The following CCDC39 variants were observed in gnomAD, a reference collection of about 807,000 sequenced individuals.
CCDC39 encodes the protein coiled-coil domain-containing protein 39.
A neutral mutation model predicts 121.0 loss-of-function variants in CCDC39; 113 were observed. The observed-to-expected ratio is 0.93, with a 90% CI of 0.80 to 1.09. CCDC39 has a LOEUF of 1.09. Ranked by LOEUF, CCDC39 falls within the 50% of genes least tolerant of loss-of-function variation. The pLI is 0.00. For synonymous variants in CCDC39, 349 were observed against 352.2 expected, an observed-to-expected ratio of 0.99 and a Z score of 0.10; for missense variants, 1,063 against 1,074.7, an observed-to-expected ratio of 0.99 and a Z score of 0.15.
chr3:180,618,997 G>T (rs114342703), intron 16 of CCDC39, among the ~76,000 whole-genome samples: 1 of 151,708 alleles, frequency 6.6e-6, no homozygotes, highest in Non-Finnish European at 1.5e-5. Flanking sequence ...AGGATTAATG[G>T]GTAGATCATA....
intron 13 of CCDC39, among the ~76,000 whole-genome samples, chr3:180,637,556 A>G (rs1197735970): frequency 1.3e-5 from 2 of 152,312 alleles, no homozygotes; most frequent in East Asian, 1.9e-4. Context: ...AGTATCATTC[A>G]ACCCAGAAAT....
intron 6 of CCDC39, among the ~76,000 whole-genome samples, chr3:180,655,263 A>G (rs190293454): frequency 9.2e-5 from 14 of 152,154 alleles, no homozygotes; most frequent in African/African-American, 3.4e-4. Context: ...AGTGTTGAAT[A>G]TTTTTCACAT....
At chr3:180,624,084 T>C (rs1283302227) in intron 14 of CCDC39, among the ~76,000 whole-genome samples, 1 of 152,170 alleles carries the variant, frequency 6.6e-6, no homozygotes, top group East Asian at 1.9e-4. Flanking sequence ...TAATGCTTGT[T>C]TTATGAATCT....
intron 11 of CCDC39, 116 bp downstream of exon 11, chr3:180,646,963 G>A (rs1364778719): frequency 1.2e-6 from 1 of 826,510 alleles, no homozygotes; most frequent in Non-Finnish European, 1.9e-6. Flanking sequence ...TCATACATTT[G>A]TTATATATGT....
intron 9 of CCDC39, among the ~76,000 whole-genome samples, chr3:180,648,902 A>C (rs530229971): frequency 6.6e-6 from 1 of 152,320 alleles, no homozygotes; most frequent in Admixed American, 6.5e-5. Context: ...ATTCCACTAA[A>C]GGCAGAGTTG....
At chr3:180,635,875 C>G (rs1294218209) in intron 13 of CCDC39, among the ~76,000 whole-genome samples, 1 of 152,178 alleles carries the variant, frequency 6.6e-6, no homozygotes, top group Non-Finnish European at 1.5e-5. Flanking sequence ...CTTAATAGAT[C>G]TATAAAAGGC....
At position 180,616,459 on chromosome 3, in the gene CCDC39, A is replaced by G. The variant is rs1350219365; in HGVS notation, c.2586+57T>C. On this transcript the variant is annotated intron_variant, in intron 18 of 19. Coordinates refer to ENST00000476379, the MANE Select transcript of CCDC39 (RefSeq NM_181426.2). The stretch of plus-strand genomic sequence containing the variant: ...CTTTCACTTCATGATGAATGTCATG[A>G]AAGTTTTTATTTTCATGAAGTTTTT... 6 of 1,500,942 alleles carry G rather than the reference A, an allele frequency of 4.0e-6. No homozygotes were observed. The East Asian group carries it at 6.9e-5, about 17-fold the overall frequency. The allele number at this position is 1,500,942 out of a possible 1,614,324, so 93.0% of individuals were successfully genotyped here.
intron 1 of CCDC39, among the ~76,000 whole-genome samples, chr3:180,669,352 T>A (rs1179799055): frequency 6.6e-6 from 1 of 152,188 alleles, no homozygotes; most frequent in Admixed American, 6.5e-5. Flanking sequence ...AATTGAGTTG[T>A]CAAGTGTTTT....
rs140505857 is a variant in CCDC39 at position 180,642,086 on chromosome 3, G to A, written c.1781C>T (p.Thr594Ile). The A allele has an allele frequency of 4.9e-4, 796 of 1,612,708 alleles. 1 individual carries two copies. Among genetic ancestry groups the A allele is most frequent in the Admixed American group, 2.9e-3 (176 of 59,996 alleles). The change falls in exon 13 of 20, where the codon ACA (threonine) becomes ATA (isoleucine). Residue 594 changes from threonine to isoleucine, a missense_variant. Physicochemically the swap from Thr to Ile is moderately conservative, Grantham distance 89 (BLOSUM62 -1). Transcript: ENST00000476379. ...SLEKRKQQLYTAMEERTEEIK... is the reference protein window; with the variant it reads ...SLEKRKQQLYIAMEERTEEIK... ...TTCTTCAGTTCGCTCTTCCATTGCT[G>A]TGTATAATTGCTGTTTTCTTTTTTC...
At position 180,679,464 on chromosome 3, in the gene CCDC39, AC is replaced by A; in HGVS notation, c.-85del. The A allele has an allele frequency of 7.8e-7, 1 of 1,281,312 alleles. No individual in the cohort carries two copies. The highest frequency in any genetic ancestry group is 1.1e-6 in the Non-Finnish European group (1 of 877,470). The allele number at this position is 1,281,312 out of a possible 1,614,324, so 79.4% of individuals were successfully genotyped here. ...AGCAGCACCCGCGTCAAGCCCAGGC[AC>A]CTGCACAGTGCCGCGGCAATTGCCG... On this transcript the variant is annotated 5_prime_UTR_variant, in exon 1 of 20. Coordinates refer to ENST00000476379, the MANE Select transcript of CCDC39 (RefSeq NM_181426.2). This position sits in a 1 kb window ranked among gnomAD's most constrained non-coding sequence, Gnocchi z 4.0.
intron 1 of CCDC39, among the ~76,000 whole-genome samples, chr3:180,674,289 T>C (rs1712131009): frequency 6.6e-6 from 1 of 152,164 alleles, no homozygotes; most frequent in South Asian, 2.1e-4. Context: ...TGTCTGTTAT[T>C]GGTGTATAAG....
Position 180,651,530 on chromosome 3 carries a change from T to C in CCDC39, c.1038A>G (p.Leu346=). The part of the protein sequence containing the change: ...KKDIHEETAR[L]QKTKNHNEII... ...TCTCATTATGATTTTTAGTTTTTTG[T>C]AACCTGAAGAGGGTTTATCACAAAA... The change falls in exon 9 of 20, where the codon TTA becomes TTG. Residue 346 remains leucine, a synonymous_variant. Transcript: ENST00000476379. 1 of 1,524,852 alleles carries C rather than the reference T, an allele frequency of 6.6e-7. No homozygotes were observed. The highest frequency in any genetic ancestry group is 8.8e-7 in the Non-Finnish European group (1 of 1,138,776). The allele number at this position is 1,524,852 out of a possible 1,614,324, so 94.5% of individuals were successfully genotyped here.
At chr3:180,652,114 G>T (rs1711502429) in intron 8 of CCDC39, 49 bp downstream of exon 8, 2 of 969,670 alleles carry the variant, frequency 2.1e-6, no homozygotes, top group Non-Finnish European at 3.1e-6. Context: ...TAATTTTCTA[G>T]ATATAGTAAA....
intron 19 of CCDC39, among the ~76,000 whole-genome samples, chr3:180,615,289 A>C (rs1007124914): frequency 6.6e-6 from 1 of 152,182 alleles, no homozygotes; most frequent in African/African-American, 2.4e-5. Flanking sequence ...AAACCAGTAG[A>C]AAAGTAGTTT....
At chr3:180,623,113 T>TATG (rs1382236289) in intron 14 of CCDC39, among the ~76,000 whole-genome samples, 8 of 143,680 alleles carry the variant, frequency 5.6e-5, no homozygotes, top group African/African-American at 2.1e-4. Flanking sequence ...TTATTATTAT[T>TATG]ATGGATTCAT....
chr3:180,679,241 C>T lies in CCDC39; in HGVS notation c.90+50G>A, dbSNP rs1407861727. The T allele has an allele frequency of 1.4e-6, 2 of 1,470,360 alleles. No homozygotes were observed. Among genetic ancestry groups the T allele is most frequent in the Admixed American group, 1.7e-5 (1 of 59,816 alleles). 91.1% of individuals were successfully genotyped at this position (1,470,360 alleles called of 1,614,324 possible). On this transcript the variant is annotated intron_variant, in intron 1 of 19. Transcript: ENST00000476379. The surrounding 1 kb of genome is among the most constrained non-coding windows in gnomAD (Gnocchi z 4.0). ...GGGTAGTACTGCCAACCAGAAAACG[C>T]CCCCAACAGGCTCTCTCTGCTTCCT... is the stretch of plus-strand genomic sequence containing the variant.
intron 14 of CCDC39, among the ~76,000 whole-genome samples, chr3:180,624,058 CT>C (rs1717495741): frequency 6.6e-6 from 1 of 151,990 alleles, no homozygotes; most frequent in African/African-American, 2.4e-5. Context: ...CTTGCTCTTT[CT>C]TTATTTCAAT....
chr3:180,615,748 C>T (rs1010353682), intron 19 of CCDC39, among the ~76,000 whole-genome samples: 6 of 151,790 alleles, frequency 4.0e-5, no homozygotes, highest in Admixed American at 1.3e-4. Context: ...CAGCAAAGCA[C>T]AAGAATGTTT....
At chr3:180,653,315 G>C (rs2108425476) in intron 7 of CCDC39, among the ~76,000 whole-genome samples, 1 of 152,256 alleles carries the variant, frequency 6.6e-6, no homozygotes, top group South Asian at 2.1e-4. Flanking sequence ...ACCTTGGACT[G>C]ACACTACCCT....
Sources: allele counts gnomAD v4.1 joint callset (sites outside exome capture counted in the v4.1 genomes callset), GRCh38; gene constraint gnomAD v4.1.1; non-coding constraint Gnocchi (gnomAD v3.1); transcripts MANE v1.5; gene names NCBI Gene and HGNC (gene_info 2026-07-23, HGNC 2026-07-21).